The following CACNA1A variants were observed in gnomAD, a reference collection of about 807,000 sequenced individuals.
CACNA1A encodes the protein voltage-dependent P/Q-type calcium channel subunit alpha-1A.
Under a neutral mutation model 262.4 loss-of-function variants are expected in CACNA1A, and 57 were observed. The ratio of observed to expected loss-of-function variants is 0.22; its 90% CI spans 0.18 to 0.27. The LOEUF is 0.27. Among genes scored for constraint, CACNA1A ranks in the 10% least tolerant of loss-of-function variants. The pLI is 1.00. For synonymous variants in CACNA1A, 1,431 were observed against 1,419.3 expected, an observed-to-expected ratio of 1.01 and a Z score of -0.18; for missense variants, 2,526 against 3,562.8, an observed-to-expected ratio of 0.71 and a Z score of 7.41.
intron 1 of CACNA1A, among the ~76,000 whole-genome samples, chr19:13,495,255 G>A (rs933869238): frequency 1.3e-5 from 2 of 152,078 alleles, no homozygotes; most frequent in Non-Finnish European, 2.9e-5. Flanking sequence ...TACCCTCAAG[G>A]AGCTTTCTAA....
At chr19:13,396,505 T>C (rs2059814237) in intron 3 of CACNA1A, among the ~76,000 whole-genome samples, 1 of 152,248 alleles carries the variant, frequency 6.6e-6, no homozygotes, top group South Asian at 2.1e-4. Context: ...TATTCTGATC[T>C]GTCCAATATG....
chr19:13,300,663 G>A lies in CACNA1A; in HGVS notation c.2173-7C>T, dbSNP rs781186526. The A allele has an allele frequency of 6.2e-7, 1 of 1,611,482 alleles. No individual in the cohort carries two copies. Among genetic ancestry groups the A allele is most frequent in the East Asian group, 2.2e-5 (1 of 44,876 alleles). On this transcript the variant is annotated splice_polypyrimidine_tract_variant and splice_region_variant and intron_variant, in intron 17 of 46. Coordinates refer to ENST00000360228, the MANE Select transcript of CACNA1A (RefSeq NM_001127222.2). The stretch of plus-strand genomic sequence containing the variant: ...CTTCTTCCTCTTGCTCGTCCTAAAA[G>A]GCACGTGGAATCTTTGTTCACAAAA...
At chr19:13,371,580 C>T (rs1366990567) in intron 4 of CACNA1A, 108 bp downstream of exon 4, 28 of 771,544 alleles carry the variant, frequency 3.6e-5, no homozygotes, top group Non-Finnish European at 5.2e-5. Flanking sequence ...ACTGCCCTCA[C>T]ACAGGCTGGT....
At position 13,303,956 on chromosome 19, in the gene CACNA1A, A is replaced by T. The variant is rs73511489; in HGVS notation, c.1987-72T>A. ...GGGCCCCTTGGAGATGCAGCTGTGG[A>T]GCCGGAATCCGCCCACCCCATCCCC... is the stretch of plus-strand genomic sequence containing the variant. On this transcript the variant is annotated intron_variant, in intron 15 of 46. Coordinates refer to ENST00000360228, the MANE Select transcript of CACNA1A (RefSeq NM_001127222.2). 1.4e-3 allele frequency: 1,611 copies of T among 1,113,662 alleles called. 14 individuals are homozygous for T. The African/African-American group carries it at 0.02, about 14-fold the overall frequency. The allele number at this position is 1,113,662 out of a possible 1,614,324, so 69.0% of individuals were successfully genotyped here. A position where few individuals can be genotyped will look rare whatever the true frequency, so the allele number is the denominator to read the frequency against.
At chr19:13,399,707 C>T (rs2059867208) in intron 3 of CACNA1A, among the ~76,000 whole-genome samples, 1 of 152,182 alleles carries the variant, frequency 6.6e-6, no homozygotes, top group South Asian at 2.1e-4. Flanking sequence ...CACCAACCTC[C>T]ACCTTTCTTT....
At chr19:13,448,213 G>A (rs1057316033) in intron 3 of CACNA1A, among the ~76,000 whole-genome samples, 7 of 152,120 alleles carry the variant, frequency 4.6e-5, no homozygotes, top group Non-Finnish European at 7.3e-5. Flanking sequence ...GCAGGAACAC[G>A]GACGGAGCTG....
At chr19:13,255,693 C>T (rs1245027145) in intron 28 of CACNA1A, among the ~76,000 whole-genome samples, 2 of 128,218 alleles carry the variant, frequency 1.6e-5, no homozygotes, top group Non-Finnish European at 3.3e-5. Flanking sequence ...TCCTTCCTTC[C>T]TCCCTCCTTC....
intron 21 of CACNA1A, chr19:13,284,335 A>T (rs1278017684): frequency 1.3e-5 from 2 of 152,238 alleles, no homozygotes; most frequent in African/African-American, 4.8e-5. Context: ...TCAACTAAAT[A>T]AAAAAGTACT....
intron 1 of CACNA1A, among the ~76,000 whole-genome samples, chr19:13,489,031 A>C (rs185839870): frequency 3.0e-4 from 10 of 33,444 alleles, no homozygotes; most frequent in Non-Finnish European, 2.0e-4. Context: ...TTTTTTTTTG[A>C]GACGGAGTCT....
intron 8 of CACNA1A, 128 bp downstream of exon 8, chr19:13,334,250 C>G: frequency 1.6e-6 from 1 of 612,426 alleles, no homozygotes; most frequent in South Asian, 2.1e-5. Context: ...TTTGGGACTA[C>G]CAATTCAGGT....
At chr19:13,441,098 C>T (rs2060710764) in intron 3 of CACNA1A, among the ~76,000 whole-genome samples, 1 of 152,128 alleles carries the variant, frequency 6.6e-6, no homozygotes, top group Admixed American at 6.6e-5. Flanking sequence ...CAAGCATCAG[C>T]CACCATGCCC....
At chr19:13,469,550 G>A (rs1438407366) in intron 1 of CACNA1A, among the ~76,000 whole-genome samples, 5 of 128,026 alleles carry the variant, frequency 3.9e-5, no homozygotes, top group East Asian at 2.5e-4. Context: ...CCGGGTTCAC[G>A]CCATTCTCCT....
Position 13,255,125 on chromosome 19 carries a change from G to A in CACNA1A, c.4725C>T (p.Ile1575=), listed in dbSNP as rs751308492. The part of the protein sequence containing the change: ...PPFEYTIMAM[I]ALNTIVLMMK... ...TCATAAGCACGATGGTGTTGAGGGCGATCATGGCCATGATCGTGTACTCGA... is the reference window on the plus strand; with the variant it reads ...TCATAAGCACGATGGTGTTGAGGGCAATCATGGCCATGATCGTGTACTCGA... The change falls in exon 29 of 47, where the codon ATC becomes ATT. Residue 1575 remains isoleucine (I), a synonymous_variant. Transcript: ENST00000360228. 6 of 1,613,886 alleles carry A rather than the reference G, an allele frequency of 3.7e-6. No individual in the cohort carries two copies. Among genetic ancestry groups the A allele is most frequent in the East Asian group, 2.2e-5 (1 of 44,878 alleles).
intron 3 of CACNA1A, among the ~76,000 whole-genome samples, chr19:13,413,650 G>A (rs1381290168): frequency 6.7e-6 from 1 of 149,560 alleles, no homozygotes; most frequent in East Asian, 2.0e-4. Flanking sequence ...AGGCTGAGGT[G>A]GGAGGATCAC....
chr19:13,383,866 C>T (rs762235780), intron 3 of CACNA1A, among the ~76,000 whole-genome samples: 29 of 152,116 alleles, frequency 1.9e-4, no homozygotes, highest in South Asian at 4.1e-4. Context: ...CCCAGGCTGG[C>T]GTGCAGTGCA....
chr19:13,246,808 A>G (rs1371388162), intron 30 of CACNA1A, among the ~76,000 whole-genome samples: 1 of 151,528 alleles, frequency 6.6e-6, no homozygotes, highest in Non-Finnish European at 1.5e-5. Context: ...TGTATTTTTT[A>G]GTAGAGACGG....
At chr19:13,234,084 T>G (rs2055773201) in intron 34 of CACNA1A, among the ~76,000 whole-genome samples, 2 of 134,892 alleles carry the variant, frequency 1.5e-5, no homozygotes, top group Non-Finnish European at 3.1e-5. Context: ...GCACGGTGGC[T>G]CACGCCTGTA....
chr19:13,272,134 G>C (rs2057036207), intron 24 of CACNA1A: 1 of 152,348 alleles, frequency 6.6e-6, no homozygotes, highest in Admixed American at 6.5e-5. Flanking sequence ...AGAGGAAAGT[G>C]ACATTGGAGA....
chr19:13,277,154 A>C, intron 22 of CACNA1A, 26 bp from the exon 23 acceptor site: 2 of 1,564,950 alleles, frequency 1.3e-6, no homozygotes, highest in Non-Finnish European at 1.8e-6. Flanking sequence ...GCAAGAGAGC[A>C]GTGGATCACT....
Sources: allele counts gnomAD v4.1 joint callset (sites outside exome capture counted in the v4.1 genomes callset), GRCh38; gene constraint gnomAD v4.1.1; transcripts MANE v1.5; gene names NCBI Gene and HGNC (gene_info 2026-07-23, HGNC 2026-07-21).